NALF1: variants seen among roughly 807,000 people sequenced by gnomAD.
NALF1 encodes the protein family with sequence similarity 155 member A.
NALF1 carries 3 observed loss-of-function variants against 48.4 expected under a neutral mutation model. That is an observed-to-expected ratio of 0.06 (90% CI 0.03 to 0.16). The LOEUF is 0.16. Among genes scored for constraint, NALF1 ranks in the 10% least tolerant of loss-of-function variants. The pLI is 1.00. For synonymous variants in NALF1, 262 were observed against 245.7 expected (o/e 1.07, Z -0.62); for missense variants, 526 against 571.5 (o/e 0.92, Z 0.81).
chr13:107,667,005 A>T (rs1464314817), intron 1 of NALF1, among the ~76,000 whole-genome samples: 1 of 152,128 alleles, frequency 6.6e-6, no homozygotes, highest in Non-Finnish European at 1.5e-5. Flanking sequence ...TTTACATAAT[A>T]TGCATTTTCC....
Position 107,866,611 on chromosome 13 carries a change from C to A in NALF1, c.-15G>T, listed in dbSNP as rs1880739365. 1 of 1,583,402 alleles carries A rather than the reference C, an allele frequency of 6.3e-7. No homozygotes were observed. Among genetic ancestry groups the A allele is most frequent in the Admixed American group, 1.7e-5 (1 of 57,150 alleles). On this transcript the variant is annotated 5_prime_UTR_variant, in exon 1 of 3. Transcript: ENST00000375915. The surrounding 1 kb of genome is among the most constrained non-coding windows in gnomAD (Gnocchi z 4.4). ...CCCCTGGTCATATTTTGGGAACGCA[C>A]AGCCCTGGCCGACTCCACCGTGAGG...
At chr13:107,440,426 C>T (rs926867886) in intron 1 of NALF1, among the ~76,000 whole-genome samples, 7 of 152,186 alleles carry the variant, frequency 4.6e-5, no homozygotes, top group African/African-American at 1.7e-4. Context: ...GAATGTGCCA[C>T]ATTCCTTCAT....
At chr13:107,419,382 T>C (rs1408189834) in intron 1 of NALF1, among the ~76,000 whole-genome samples, 1 of 152,230 alleles carries the variant, frequency 6.6e-6, no homozygotes, top group African/African-American at 2.4e-5. Flanking sequence ...ATATAGGCCA[T>C]GATTCACACA....
intron 1 of NALF1, among the ~76,000 whole-genome samples, chr13:107,754,357 AC>A (rs1877027528): frequency 1.1e-4 from 2 of 18,884 alleles, no homozygotes; most frequent in Non-Finnish European, 1.8e-4. Flanking sequence ...CATTGTGAAC[AC>A]ACACACACAC....
chr13:107,173,909 T>G (rs1878856810), intron 2 of NALF1, among the ~76,000 whole-genome samples: 1 of 152,202 alleles, frequency 6.6e-6, no homozygotes, highest in Non-Finnish European at 1.5e-5. Context: ...CTGTTAATAT[T>G]TCATATTACT....
intron 1 of NALF1, among the ~76,000 whole-genome samples, chr13:107,523,832 T>G (rs1876336074): frequency 6.6e-6 from 1 of 151,894 alleles, no homozygotes; most frequent in South Asian, 2.1e-4. Flanking sequence ...ATGTGATGAA[T>G]CCAAAGAAAA....
chr13:107,554,567 G>C lies in NALF1; in HGVS notation c.915+311115C>G, dbSNP rs183487953. ...CTTCCCCTTATCAGAGGCCCAGAGA[G>C]GCTGAGAGAGAACGGAAGCCCAGAC... On this transcript the variant is annotated intron_variant, in intron 1 of 2. Transcript: ENST00000375915. Among the ~76,000 whole-genome samples, 50 of 152,254 alleles carry C rather than the reference G, an allele frequency of 3.3e-4. No individual in the cohort carries two copies. The East Asian group carries it at 7.4e-3, about 22-fold the overall frequency.
intron 1 of NALF1, among the ~76,000 whole-genome samples, chr13:107,271,811 TA>T (rs1302018840): frequency 0.02 from 1,905 of 96,586 alleles, 59 homozygotes; most frequent in East Asian, 0.095. Context: ...TATATATATA[TA>T]TATATTTATA....
At chr13:107,593,383 A>T (rs1218400843) in intron 1 of NALF1, among the ~76,000 whole-genome samples, 1 of 151,900 alleles carries the variant, frequency 6.6e-6, no homozygotes, top group Non-Finnish European at 1.5e-5. Flanking sequence ...CTAGAATTTT[A>T]TTATAATTCT....
intron 1 of NALF1, among the ~76,000 whole-genome samples, chr13:107,680,747 G>GAC (rs10679489): frequency 1.7e-4 from 1 of 5,770 alleles, no homozygotes; most frequent in Admixed American, 3.9e-3. Context: ...GAATGTGCAT[G>GAC]AGTGTAAGAG....
chr13:107,852,566 A>G (rs1367011678), intron 1 of NALF1, among the ~76,000 whole-genome samples: 1 of 152,228 alleles, frequency 6.6e-6, no homozygotes, highest in Non-Finnish European at 1.5e-5. Context: ...TATCCTTTGC[A>G]CAAAGTCACT....
At chr13:107,767,612 T>C (rs79196952) in intron 1 of NALF1, among the ~76,000 whole-genome samples, 3,633 of 152,296 alleles carry the variant, frequency 0.024, 122 homozygotes, top group African/African-American at 0.083. Context: ...AAATGTATCA[T>C]GTGCTTTCAT....
chr13:107,608,121 T>C (rs752990182), intron 1 of NALF1, among the ~76,000 whole-genome samples: 41 of 152,230 alleles, frequency 2.7e-4, no homozygotes, highest in Non-Finnish European at 4.3e-4. Context: ...TTTAATGTCT[T>C]ATTTTGATGA....
At chr13:107,693,811 C>T (rs947256) in intron 1 of NALF1, among the ~76,000 whole-genome samples, 146,595 of 152,254 alleles carry the variant, frequency 0.96, 70,809 homozygotes, top group East Asian at 1. Flanking sequence ...AATGCTAAGA[C>T]ATAACTCAGA....
intron 1 of NALF1, among the ~76,000 whole-genome samples, chr13:107,475,483 C>G (rs1489098741): frequency 6.6e-6 from 1 of 152,042 alleles, no homozygotes; most frequent in East Asian, 1.9e-4. Flanking sequence ...GTTCTGTTTA[C>G]TAGAACTAAT....
chr13:107,307,635 T>TAAA lies in NALF1; in HGVS notation c.916-96883_916-96881dup, dbSNP rs34252962. Among the ~76,000 whole-genome samples, 166 of 117,410 alleles carry TAAA rather than the reference T, an allele frequency of 1.4e-3. 1 individual carries two copies. The highest frequency in any genetic ancestry group is 4.5e-3 in the Middle Eastern group (1 of 220). The allele number at this position is 117,410 out of a possible 152,430, so 77.0% of individuals were successfully genotyped here. On this transcript the variant is annotated intron_variant, in intron 1 of 2. Coordinates refer to ENST00000375915, the MANE Select transcript of NALF1 (RefSeq NM_001080396.3). ...AGTAGCTGGATGATTCCTTTTTTAT[T>TAAA]AAAAAAAAAAAAAAAAAAAAACTTG...
At chr13:107,475,889 A>G (rs1264183055) in intron 1 of NALF1, among the ~76,000 whole-genome samples, 1 of 152,180 alleles carries the variant, frequency 6.6e-6, no homozygotes, top group Admixed American at 6.6e-5. Context: ...CTGCCCAAAT[A>G]CAATTTCCCT....
chr13:107,665,392 C>T (rs1041642090), intron 1 of NALF1, among the ~76,000 whole-genome samples: 6 of 152,104 alleles, frequency 3.9e-5, no homozygotes, highest in African/African-American at 1.4e-4. Flanking sequence ...ATAGTTCTTA[C>T]TCTTAGGCAA....
intron 1 of NALF1, among the ~76,000 whole-genome samples, chr13:107,395,510 G>A (rs1594153356): frequency 6.6e-6 from 1 of 152,178 alleles, no homozygotes; most frequent in African/African-American, 2.4e-5. Context: ...ACACAGCTGG[G>A]TCGTCGAGAA....
Sources: allele counts gnomAD v4.1 joint callset (sites outside exome capture counted in the v4.1 genomes callset), GRCh38; gene constraint gnomAD v4.1.1; non-coding constraint Gnocchi (gnomAD v3.1); transcripts MANE v1.5; gene names NCBI Gene and HGNC (gene_info 2026-07-23, HGNC 2026-07-21).